CDH18: variants seen among roughly 807,000 people sequenced by gnomAD.
The protein encoded by CDH18 is cadherin-18.
A neutral mutation model predicts 67.9 loss-of-function variants in CDH18; 31 were observed. That is an observed-to-expected ratio of 0.46 (90% CI 0.34 to 0.62). The LOEUF (loss-of-function observed/expected upper bound fraction) is 0.62. CDH18 is among the 20% of genes least tolerant of loss of function. The pLI is 0.01. For synonymous variants in CDH18, 362 were observed against 347.2 expected, an observed-to-expected ratio of 1.04 and a Z score of -0.48; for missense variants, 890 against 975.5, an observed-to-expected ratio of 0.91 and a Z score of 1.17.
At chr5:20,370,741 G>C (rs371091025) in intron 1 of CDH18, among the ~76,000 whole-genome samples, 1 of 152,070 alleles carries the variant, frequency 6.6e-6, no homozygotes, top group Admixed American at 6.5e-5. Flanking sequence ...AGTGTTACTA[G>C]TTAGAAGACT....
chr5:19,543,755 C>A, intron 9 of CDH18, 114 bp downstream of exon 9: 1 of 664,078 alleles, frequency 1.5e-6, no homozygotes. Flanking sequence ...TCCGCTTACT[C>A]TCCTAGATCC....
intron 3 of CDH18, among the ~76,000 whole-genome samples, chr5:19,835,279 C>A (rs1236490593): frequency 6.6e-6 from 1 of 151,922 alleles, no homozygotes; most frequent in African/African-American, 2.4e-5. Context: ...GAACAGAAAA[C>A]CAAATACCAC....
chr5:19,587,646 C>T (rs1455154107), intron 7 of CDH18, among the ~76,000 whole-genome samples: 2 of 106,976 alleles, frequency 1.9e-5, no homozygotes, highest in African/African-American at 6.3e-5. Context: ...TTCCATTGGT[C>T]TGTGTGTCTT....
At chr5:20,055,567 TCAGA>T (rs1580136089) in intron 2 of CDH18, among the ~76,000 whole-genome samples, 1 of 152,334 alleles carries the variant, frequency 6.6e-6, no homozygotes, top group East Asian at 1.9e-4. Context: ...GCACTCATGC[TCAGA>T]CAGTCAGGCT....
At chr5:19,573,435 C>T (rs532749247) in intron 7 of CDH18, among the ~76,000 whole-genome samples, 40 of 152,028 alleles carry the variant, frequency 2.6e-4, no homozygotes, top group Non-Finnish European at 2.9e-4. Flanking sequence ...CCTGCCGCCA[C>T]GCCCGGCTAA....
intron 5 of CDH18, among the ~76,000 whole-genome samples, chr5:19,643,013 A>G (rs1754245128): frequency 6.6e-6 from 1 of 152,118 alleles, no homozygotes; most frequent in African/African-American, 2.4e-5. Context: ...AATTAGCTGA[A>G]TTAAAAACAA....
chr5:19,956,270 T>C (rs563575776), intron 2 of CDH18, among the ~76,000 whole-genome samples: 13 of 152,120 alleles, frequency 8.5e-5, no homozygotes, highest in Non-Finnish European at 1.3e-4. Context: ...TCTTCCATAC[T>C]TTCTAAGTAA....
At chr5:20,173,523 T>C (rs939366452) in intron 2 of CDH18, among the ~76,000 whole-genome samples, 2 of 152,172 alleles carry the variant, frequency 1.3e-5, no homozygotes, top group Non-Finnish European at 2.9e-5. Flanking sequence ...CTAGAAAATG[T>C]AGGTAAGTAC....
intron 2 of CDH18, among the ~76,000 whole-genome samples, chr5:20,172,053 G>C (rs1580397831): frequency 6.7e-6 from 1 of 149,154 alleles, no homozygotes; most frequent in East Asian, 2.0e-4. Flanking sequence ...TTATTTCTTG[G>C]CTCTCTATTC....
At chr5:19,837,475 T>C (rs1257749430) in intron 3 of CDH18, among the ~76,000 whole-genome samples, 1 of 152,164 alleles carries the variant, frequency 6.6e-6, no homozygotes, top group East Asian at 1.9e-4. Flanking sequence ...TAATATATTA[T>C]GCTTTGATGT....
intron 2 of CDH18, among the ~76,000 whole-genome samples, chr5:20,047,070 A>C (rs1041117101): frequency 1.3e-5 from 2 of 151,816 alleles, no homozygotes; most frequent in African/African-American, 4.8e-5. Flanking sequence ...CAGTGTTTGG[A>C]AACAAGAGAG....
chr5:19,925,744 C>A, intron 2 of CDH18, among the ~76,000 whole-genome samples: 1 of 152,196 alleles, frequency 6.6e-6, no homozygotes, highest in Non-Finnish European at 1.5e-5. Context: ...CCTCAGCCTC[C>A]CATTACACTG....
intron 9 of CDH18, among the ~76,000 whole-genome samples, chr5:19,532,491 G>A (rs1748788267): frequency 6.6e-6 from 1 of 152,154 alleles, no homozygotes; most frequent in African/African-American, 2.4e-5. Flanking sequence ...ATTTGTATAT[G>A]TGTGAGTGCC....
chr5:20,348,158 G>A (rs1214545476), intron 1 of CDH18, among the ~76,000 whole-genome samples: 3 of 152,176 alleles, frequency 2.0e-5, no homozygotes, highest in African/African-American at 7.2e-5. Context: ...TTGTGGCTAT[G>A]AGTAAATTAG....
At chr5:19,933,831 T>A (rs1389174443) in intron 2 of CDH18, among the ~76,000 whole-genome samples, 1 of 151,494 alleles carries the variant, frequency 6.6e-6, no homozygotes, top group Non-Finnish European at 1.5e-5. Context: ...TTTCTAGGGT[T>A]CTTTCCTTTT....
chr5:20,383,670 T>A (rs575496090), intron 1 of CDH18, among the ~76,000 whole-genome samples: 1 of 152,162 alleles, frequency 6.6e-6, no homozygotes, highest in Non-Finnish European at 1.5e-5. Flanking sequence ...TTTGCTGTTA[T>A]ACCAAAATGC....
At chr5:20,271,283 T>A (rs974148256) in intron 1 of CDH18, among the ~76,000 whole-genome samples, 1 of 152,196 alleles carries the variant, frequency 6.6e-6, no homozygotes, top group East Asian at 1.9e-4. Flanking sequence ...CCACTAGAAC[T>A]GTTGTCCTCA....
chr5:19,990,309 GT>G, upstream of CDH18, among the ~76,000 whole-genome samples: 1 of 152,298 alleles, frequency 6.6e-6, no homozygotes, highest in South Asian at 2.1e-4. Context: ...GAAATAAAAT[GT>G]TTGTTTGCCA....
At chr5:19,924,061 GCATGGAATATAACC>G (rs1792811673) in intron 2 of CDH18, among the ~76,000 whole-genome samples, 1 of 152,112 alleles carries the variant, frequency 6.6e-6, no homozygotes. Context: ...ACATTTTATT[GCATGGAATATAACC>G]CATACAATGA....
Sources: gnomAD v4.1 joint callset for allele counts (sites outside exome capture counted in the v4.1 genomes callset) on GRCh38, gnomAD v4.1.1 for gene constraint, MANE v1.5 for transcripts, NCBI Gene and HGNC (gene_info 2026-07-23, HGNC 2026-07-21) for gene names.